The following ARAP2 variants were observed in gnomAD, a reference collection of about 807,000 sequenced individuals.
ARAP2 encodes the protein ArfGAP with RhoGAP domain, ankyrin repeat and PH domain 2, also known as arf-GAP with Rho-GAP domain, ANK repeat and PH domain-containing protein 2.
ARAP2 carries 148 observed loss-of-function variants against 194.5 expected under a neutral mutation model. The observed-to-expected ratio is 0.76, with a 90% CI of 0.67 to 0.87. The LOEUF (loss-of-function observed/expected upper bound fraction) is 0.87, where lower values mean the gene tolerates loss of function less well. ARAP2 is among the 40% of genes least tolerant of loss of function. The pLI, the probability that ARAP2 is intolerant of heterozygous loss-of-function variation, is 0.00. For missense variants in ARAP2, 2,128 were observed against 1,989.7 expected (o/e 1.07, Z -1.32); for synonymous variants, 695 against 683.5 (o/e 1.02, Z -0.26).
At chr4:36,130,655 C>G (rs2109598969) in intron 20 of ARAP2, among the ~76,000 whole-genome samples, 1 of 151,974 alleles carries the variant, frequency 6.6e-6, no homozygotes, top group South Asian at 2.1e-4. Context: ...TGACTTGTAA[C>G]TGCTCATGTA....
At chr4:36,187,193 T>A (rs535558147) in intron 8 of ARAP2, among the ~76,000 whole-genome samples, 1 of 152,208 alleles carries the variant, frequency 6.6e-6, no homozygotes, top group African/African-American at 2.4e-5. Context: ...CTACTTTTTT[T>A]CACATTGTAT....
intron 2 of ARAP2, among the ~76,000 whole-genome samples, chr4:36,056,888 G>A (rs1395415723): frequency 6.7e-6 from 1 of 150,362 alleles, no homozygotes; most frequent in Non-Finnish European, 1.5e-5. Flanking sequence ...GACAATGCTT[G>A]CACATTTATT....
At chr4:36,006,397 G>C (rs1383504519) in intron 10 of ARAP2, 1 of 152,142 alleles carries the variant, frequency 6.6e-6, no homozygotes, top group African/African-American at 2.4e-5. Flanking sequence ...CTCATGAGTT[G>C]ATAGCATTCT....
chr4:36,189,450 T>C (rs889654877), intron 7 of ARAP2, among the ~76,000 whole-genome samples: 5 of 152,152 alleles, frequency 3.3e-5, no homozygotes, highest in African/African-American at 7.2e-5. Context: ...TGAAACTATA[T>C]TAAATTAGTG....
At chr4:36,027,991 T>G (rs1234608010) in intron 5 of ARAP2, among the ~76,000 whole-genome samples, 2 of 152,146 alleles carry the variant, frequency 1.3e-5, no homozygotes, top group Admixed American at 1.3e-4. Flanking sequence ...CCATTAAACA[T>G]GTTCTCAGCT....
At chr4:36,169,565 C>T (rs1215946418) in intron 9 of ARAP2, among the ~76,000 whole-genome samples, 7 of 146,504 alleles carry the variant, frequency 4.8e-5, no homozygotes, top group African/African-American at 1.5e-4. Context: ...CAGTCTTGCT[C>T]TGTCACCCAG....
intron 2 of ARAP2, among the ~76,000 whole-genome samples, chr4:36,222,173 C>T (rs1220697052): frequency 2.0e-5 from 3 of 152,038 alleles, no homozygotes; most frequent in Non-Finnish European, 4.4e-5. Flanking sequence ...ACCTGCTTTC[C>T]ACATTTATTA....
At chr4:36,006,701 G>A (rs973044863) in intron 10 of ARAP2, 2 of 152,044 alleles carry the variant, frequency 1.3e-5, no homozygotes, top group African/African-American at 4.8e-5. Flanking sequence ...CTCTATATGA[G>A]AGTAGGCTAT....
chr4:36,151,036 TATTTGTCTCTAAGAATTTGAAA>T lies in ARAP2; in HGVS notation c.2753-14_2760del. 6.3e-7 allele frequency: 1 copy of T among 1,593,636 alleles called. No individual in the cohort carries two copies. Among genetic ancestry groups the T allele is most frequent in the Non-Finnish European group, 8.5e-7 (1 of 1,173,870 alleles). On this transcript the variant is annotated splice_acceptor_variant and splice_polypyrimidine_tract_variant and coding_sequence_variant and intron_variant, in exon 16 of 33. Transcript: ENST00000303965. LOFTEE classifies it high-confidence loss of function. ...CCTCCTTCCAAAACACACCATTTTT[TATTTGTCTCTAAGAATTTGAAA>T]CAAAACAAATAACAAATTGAGCTAA... is the stretch of plus-strand genomic sequence containing the variant.
At chr4:36,037,166 G>C (rs949069451) in intron 5 of ARAP2, among the ~76,000 whole-genome samples, 2 of 152,098 alleles carry the variant, frequency 1.3e-5, no homozygotes, top group Non-Finnish European at 2.9e-5. Context: ...TTCTGAAAAA[G>C]AAAAGTAGCC....
At chr4:36,218,204 A>T (rs1186111950) in intron 2 of ARAP2, among the ~76,000 whole-genome samples, 1 of 152,136 alleles carries the variant, frequency 6.6e-6, no homozygotes, top group African/African-American at 2.4e-5. Flanking sequence ...TTCCTTAGCA[A>T]ACTAATGCAG....
chr4:36,035,202 T>C (rs1719708832), intron 5 of ARAP2, among the ~76,000 whole-genome samples: 1 of 152,102 alleles, frequency 6.6e-6, no homozygotes, highest in African/African-American at 2.4e-5. Context: ...TCTGTGAATC[T>C]ATCAGTCCTG....
At chr4:36,027,276 G>T (rs1009538144) in intron 5 of ARAP2, among the ~76,000 whole-genome samples, 2 of 152,022 alleles carry the variant, frequency 1.3e-5, no homozygotes, top group African/African-American at 4.8e-5. Flanking sequence ...AGAGAGCAAA[G>T]GTAATTTCAA....
chr4:36,083,949 C>T (rs556134373), intron 28 of ARAP2, among the ~76,000 whole-genome samples: 1 of 152,234 alleles, frequency 6.6e-6, no homozygotes, highest in African/African-American at 2.4e-5. Context: ...CTTGCTAAGT[C>T]TTCCGGCCTT....
intron 8 of ARAP2, 70 bp downstream of exon 8, chr4:36,187,381 G>T: frequency 1.2e-6 from 1 of 864,702 alleles, no homozygotes; most frequent in Non-Finnish European, 1.6e-6. Flanking sequence ...GACATTCCTA[G>T]TCTAACTGGT....
intron 15 of ARAP2, among the ~76,000 whole-genome samples, chr4:36,153,802 AC>A (rs1355818146): frequency 6.6e-6 from 1 of 152,284 alleles, no homozygotes; most frequent in Admixed American, 6.5e-5. Flanking sequence ...TAAGCCCTTC[AC>A]TACTCCTCCT....
At chr4:36,098,008 C>A (rs900531079) in intron 27 of ARAP2, among the ~76,000 whole-genome samples, 1 of 151,942 alleles carries the variant, frequency 6.6e-6, no homozygotes, top group African/African-American at 2.4e-5. Flanking sequence ...TTAAGCAGAA[C>A]AGACATATCA....
intron 2 of ARAP2, among the ~76,000 whole-genome samples, chr4:36,218,963 T>C (rs1175694428): frequency 6.6e-6 from 1 of 151,952 alleles, no homozygotes; most frequent in African/African-American, 2.4e-5. Context: ...TAGCAAAAGG[T>C]CAATAAACAA....
chr4:36,139,700 T>C (rs1308882642), intron 19 of ARAP2, among the ~76,000 whole-genome samples: 2 of 151,636 alleles, frequency 1.3e-5, no homozygotes, highest in African/African-American at 4.8e-5. Context: ...TCCTTGTAAA[T>C]AGTTTTATAG....
Sources: gnomAD v4.1 joint callset for allele counts (sites outside exome capture counted in the v4.1 genomes callset) on GRCh38, gnomAD v4.1.1 for gene constraint, MANE v1.5 for transcripts, NCBI Gene and HGNC (gene_info 2026-07-23, HGNC 2026-07-21) for gene names.